CASKIN2: variants seen among roughly 807,000 people sequenced by gnomAD.
CASKIN2 encodes CASK interacting protein 2, also known as caskin-2.
CASKIN2 carries 41 observed loss-of-function variants against 107.1 expected under a neutral mutation model. The observed-to-expected ratio is 0.38, with a 90% CI of 0.30 to 0.50. CASKIN2 has a LOEUF of 0.50. CASKIN2 is among the 20% of genes least tolerant of loss of function. The probability of loss-of-function intolerance (pLI) is 0.92; values close to 1 mark genes in which losing one functional copy is unlikely to be tolerated. For synonymous variants in CASKIN2, 724 were observed against 705.6 expected, an observed-to-expected ratio of 1.03 and a Z score of -0.41; for missense variants, 1,546 against 1,657.4, an observed-to-expected ratio of 0.93 and a Z score of 1.17.
chr17:75,508,146 G>T, intron 3 of CASKIN2, 88 bp downstream of exon 3: 1 of 1,390,090 alleles, frequency 7.2e-7, no homozygotes, highest in Non-Finnish European at 1.0e-6. Flanking sequence ...GGGACCCTGG[G>T]CCTCAGGATC....
chr17:75,505,795 G>A lies in CASKIN2; in HGVS notation c.835+26C>T. The A allele has an allele frequency of 6.2e-7, 1 of 1,602,504 alleles. No homozygotes were observed. The highest frequency in any genetic ancestry group is 8.5e-7 in the Non-Finnish European group (1 of 1,171,798). ...CACTTGAGCGGCCCCAGGCCCCCTG[G>A]GCAGGGTATCCTCCCCCGCACTCAC... On this transcript the variant is annotated intron_variant, in intron 9 of 19. Transcript: ENST00000321617. This position sits in a 1 kb window ranked among gnomAD's most constrained non-coding sequence, Gnocchi z 5.1.
At position 75,501,918 on chromosome 17, in the gene CASKIN2, G is replaced by C. The variant is rs368588112; in HGVS notation, c.3156C>G (p.Pro1052=). 6.3e-7 allele frequency: 1 copy of C among 1,583,852 alleles called. No homozygotes were observed. Among genetic ancestry groups the C allele is most frequent in the African/African-American group, 1.3e-5 (1 of 74,498 alleles). The change falls in exon 18 of 20, where the codon CCC becomes CCG. Residue 1052 remains proline, a synonymous_variant. Coordinates refer to ENST00000321617, the MANE Select transcript of CASKIN2 (RefSeq NM_020753.5). ...GCTGCATGGCGGGGCTGGGAGCAAG[G>C]GGGGTTGGAACTCCTTGGGCTGGAA... ...SSLPAQGVPT[P]LAPSPAMQPP...
intron 14 of CASKIN2, 30 bp from the exon 15 acceptor site, chr17:75,503,992 G>T (rs72851933): frequency 0.093 from 147,016 of 1,578,618 alleles, 7,334 homozygotes; most frequent in African/African-American, 0.11. Context: ...GGCAGAATTA[G>T]CAGGAGCTGG....
At position 75,505,714 on chromosome 17, in the gene CASKIN2, C is replaced by T. The variant is rs908853552; in HGVS notation, c.836-63G>A. The T allele has an allele frequency of 6.4e-7, 1 of 1,558,484 alleles. No homozygotes were observed. Among genetic ancestry groups the T allele is most frequent in the Admixed American group, 1.7e-5 (1 of 59,522 alleles). On this transcript the variant is annotated intron_variant, in intron 9 of 19. Transcript: ENST00000321617. This position sits in a 1 kb window ranked among gnomAD's most constrained non-coding sequence, Gnocchi z 5.1. ...GTCCTTAGGGCATCTTCCCACCCCT[C>T]ATGCCCTTGACAACCCTCCCCCAGG...
intron 2 of CASKIN2, among the ~76,000 whole-genome samples, chr17:75,510,653 C>T (rs1227205585): frequency 6.6e-6 from 1 of 152,062 alleles, no homozygotes; most frequent in Admixed American, 6.6e-5. Flanking sequence ...TGTAGTGGCA[C>T]GATCTCGGCT....
chr17:75,503,633 C>A, intron 16 of CASKIN2, 26 bp downstream of exon 16: 1 of 1,609,270 alleles, frequency 6.2e-7, no homozygotes, highest in Non-Finnish European at 8.5e-7. Context: ...ACGTGCCCCA[C>A]TCCCCAGCCA....
Position 75,502,623 on chromosome 17 carries a change from C to A in CASKIN2, c.2451G>T (p.Gly817=). Residue 817 remains glycine (G), a synonymous_variant, in exon 18 of 20, where the codon GGG becomes GGT. Transcript: ENST00000321617. This position sits in a 1 kb window ranked among gnomAD's most constrained non-coding sequence, Gnocchi z 4.3. Reference sequence around the variant, plus strand: ...AACTGCCTAGGGTGCTGCCCACTGGCCCTTCGGCCTCCCCCTCAGCATCCC... The same window carrying A: ...AACTGCCTAGGGTGCTGCCCACTGGACCTTCGGCCTCCCCCTCAGCATCCC... ...TEGDAEGEAE[G]PVGSTLGSYA... The A allele has an allele frequency of 6.2e-7, 1 of 1,605,004 alleles. No homozygotes were observed.
intron 3 of CASKIN2, 118 bp downstream of exon 3, chr17:75,508,116 G>A: frequency 1.7e-6 from 2 of 1,155,872 alleles, no homozygotes; most frequent in Admixed American, 2.1e-5. Context: ...ACACTTCCAG[G>A]GCCAAGTCTG....
chr17:75,504,309 T>A lies in CASKIN2; in HGVS notation c.1376-3A>T, dbSNP rs1301438499. ...CAGAGGGCGGTGGCTCAGGTTGTCT[T>A]CAAGGAGAGAGAAAAATGGAATGGA... On this transcript the variant is annotated splice_region_variant and splice_polypyrimidine_tract_variant and intron_variant, in intron 13 of 19. Transcript: ENST00000321617. 16 of 1,606,450 alleles carry A rather than the reference T, an allele frequency of 1.0e-5. No individual in the cohort carries two copies. The highest frequency in any genetic ancestry group is 1.4e-5 in the Non-Finnish European group (16 of 1,176,842).
At chr17:75,501,366 C>T in intron 19 of CASKIN2, 102 bp downstream of exon 19, 1 of 1,365,894 alleles carries the variant, frequency 7.3e-7, no homozygotes. Flanking sequence ...CCGTTAGTGC[C>T]TGCAATGTCC....
chr17:75,502,978 T>A lies in CASKIN2; in HGVS notation c.2096A>T (p.Glu699Val), dbSNP rs749433431. 1 of 1,604,302 alleles carries A rather than the reference T, an allele frequency of 6.2e-7. No homozygotes were observed. Among genetic ancestry groups the A allele is most frequent in the Admixed American group, 1.7e-5 (1 of 59,544 alleles). The change falls in exon 18 of 20, where the codon GAG becomes GTG. Residue 699 changes from glutamate to valine, a missense_variant. By Grantham distance (121) the Glu-to-Val change is moderately radical. Coordinates refer to ENST00000321617, the MANE Select transcript of CASKIN2 (RefSeq NM_020753.5). This position sits in a 1 kb window ranked among gnomAD's most constrained non-coding sequence, Gnocchi z 4.3. ...CCCCCGTGAGCGTGCCCCGATGCTC[T>A]CCTGGCTGGGAGAGCGGGCAGGTGG... The part of the protein sequence containing the change: ...PLPPARSPSQ[E>V]SIGARSRGSG...
rs2146990487 is a variant in CASKIN2 at position 75,506,981 on chromosome 17, T to C, written c.390+3A>G. On this transcript the variant is annotated splice_donor_region_variant and intron_variant, in intron 5 of 19. Coordinates refer to ENST00000321617, the MANE Select transcript of CASKIN2 (RefSeq NM_020753.5). The surrounding 1 kb of genome is among the most constrained non-coding windows in gnomAD (Gnocchi z 4.8). ...CCACGCCCCTGTGGGCAGCCTCACG[T>C]ACCACCTCATAATGTCCATACTGTG... is the stretch of plus-strand genomic sequence containing the variant. 6.2e-7 allele frequency: 1 copy of C among 1,613,202 alleles called. No individual in the cohort carries two copies. Among genetic ancestry groups the C allele is most frequent in the East Asian group, 2.2e-5 (1 of 44,856 alleles).
intron 2 of CASKIN2, among the ~76,000 whole-genome samples, chr17:75,510,596 T>C (rs925742788): frequency 6.6e-6 from 1 of 152,066 alleles, no homozygotes; most frequent in Admixed American, 6.6e-5. Context: ...TTTTTACTTA[T>C]TTATTACTTT....
intron 2 of CASKIN2, 28 bp from the exon 3 acceptor site, chr17:75,508,313 G>A (rs758911018): frequency 1.5e-5 from 24 of 1,610,032 alleles, no homozygotes; most frequent in Non-Finnish European, 2.0e-5. Flanking sequence ...AGGTGTCAGG[G>A]CCATCAGATG....
chr17:75,503,681 T>A lies in CASKIN2; in HGVS notation c.1658A>T (p.Glu553Val). ...CACTGGGATGTAGCTGGGCAGCCAC[T>A]CGGCGATGCTGAGCTGAGCGATCTC... ...ASEIAQLSIA[E>V]WLPSYIPTDL... Residue 553 changes from glutamate to valine, a missense_variant, in exon 16 of 20, where the codon GAG (glutamate) becomes GTG (valine). By Grantham distance (121) the Glu-to-Val change is moderately radical. This residue lies in a region of CASKIN2 where 1,311 missense variants were observed against 1,311.0 expected (regional missense o/e 1.00). Coordinates refer to ENST00000321617, the MANE Select transcript of CASKIN2 (RefSeq NM_020753.5). The A allele has an allele frequency of 6.2e-7, 1 of 1,612,170 alleles. No individual in the cohort carries two copies. Among genetic ancestry groups the A allele is most frequent in the Non-Finnish European group, 8.5e-7 (1 of 1,179,996 alleles).
Position 75,505,921 on chromosome 17 carries a change from CACACCTCCCT to C in CASKIN2, c.727-2_734del. 1 of 1,613,412 alleles carries C rather than the reference CACACCTCCCT, an allele frequency of 6.2e-7. No individual in the cohort carries two copies. Among genetic ancestry groups the C allele is most frequent in the Non-Finnish European group, 8.5e-7 (1 of 1,179,880 alleles). On this transcript the variant is annotated splice_acceptor_variant and coding_sequence_variant, in exon 9 of 20. Transcript: ENST00000321617. LOFTEE classifies it high-confidence loss of function. The surrounding 1 kb of genome is among the most constrained non-coding windows in gnomAD (Gnocchi z 5.1). ...TATACGTATTCCGGATGTTCACGTC[CACACCTCCCT>C]GGGTGCACAGTGTCACATGAGCACA...
chr17:75,502,881 G>T lies in CASKIN2; in HGVS notation c.2193C>A (p.Asn731Lys), dbSNP rs766857405. The T allele has an allele frequency of 6.5e-7, 1 of 1,543,100 alleles. No individual in the cohort carries two copies. Among genetic ancestry groups the T allele is most frequent in the Admixed American group, 1.9e-5 (1 of 51,412 alleles). The change falls in exon 18 of 20, where the codon AAC (asparagine) becomes AAA (lysine). Residue 731 changes from asparagine (N) to lysine (K), a missense_variant. Around this residue, in one of 6 missense-constraint regions of CASKIN2, gnomAD observed 1,311 missense variants for 1,311.0 expected, o/e 1.00. Transcript: ENST00000321617. The surrounding 1 kb of genome is among the most constrained non-coding windows in gnomAD (Gnocchi z 4.3). ...GGDPSPPQER[N>K]LPEGTERPPK... ...GGGGCCGCTCTGTGCCCTCTGGGAG[G>T]TTCCTCTCCTGGGGGGGGCTGGGAT...
intron 19 of CASKIN2, 57 bp downstream of exon 19, chr17:75,501,411 T>C (rs2053181504): frequency 2.6e-6 from 4 of 1,528,770 alleles, no homozygotes; most frequent in Non-Finnish European, 2.7e-6. Flanking sequence ...GGGCAGAGGA[T>C]GCAGGGAGCA....
chr17:75,511,496 T>A (rs2053315475), intron 2 of CASKIN2, among the ~76,000 whole-genome samples: 1 of 152,152 alleles, frequency 6.6e-6, no homozygotes, highest in Non-Finnish European at 1.5e-5. Flanking sequence ...ACTTTCCTTA[T>A]CTACAGAACG....
Sources: gnomAD v4.1 joint callset for allele counts (sites outside exome capture counted in the v4.1 genomes callset) on GRCh38, gnomAD v4.1.1 for gene constraint, gnomAD v4.1.1 regional missense constraint, Gnocchi (gnomAD v3.1) non-coding constraint, MANE v1.5 for transcripts, NCBI Gene and HGNC (gene_info 2026-07-23, HGNC 2026-07-21) for gene names.